The following TM2D3 variants were observed in gnomAD, a reference collection of about 807,000 sequenced individuals.
The protein encoded by TM2D3 is TM2 domain-containing protein 3.
TM2D3 carries 33 observed loss-of-function variants against 27.3 expected under a neutral mutation model. The ratio of observed to expected loss-of-function variants is 1.21; its 90% CI spans 0.92 to 1.61. TM2D3 has a LOEUF of 1.61. TM2D3 is among the 40% of genes most tolerant of loss of function. The pLI, the probability that TM2D3 is intolerant of heterozygous loss-of-function variation, is 0.00. For missense variants in TM2D3, 364 were observed against 320.8 expected (o/e 1.13, Z -1.03); for synonymous variants, 138 against 122.2 (o/e 1.13, Z -0.85).
chr15:101,652,108 C>T (rs1567314950), intron 1 of TM2D3, 163 bp downstream of exon 1: 1 of 632,272 alleles, frequency 1.6e-6, no homozygotes, highest in Non-Finnish European at 2.6e-6. Context: ...TCGGGCCGGG[C>T]GGCCAGGGCG....
At chr15:101,633,446 C>G (rs1489547886) in exon 5 of TM2D3, 1 of 431,886 alleles carries the variant, frequency 2.3e-6, no homozygotes. Flanking sequence ...CCTCATCACA[C>G]TGTTAGAAGA....
Position 101,650,139 on chromosome 15 carries a change from A to C in TM2D3, c.192T>G (p.Tyr64Ter). 6.2e-7 allele frequency: 1 copy of C among 1,613,676 alleles called. No individual in the cohort carries two copies. The highest frequency in any genetic ancestry group is 1.1e-5 in the South Asian group (1 of 91,000). Residue 64 changes from tyrosine to a stop codon, truncating the protein, a stop_gained, in exon 3 of 6, where the codon TAT becomes TAG. Transcript: ENST00000333202. LOFTEE classifies it high-confidence loss of function. ...AACCATTGCTCGGACACTTCATCAC[A>C]TAAGGTGGGATTTCAGTACTTTCTG... ...RAAESTEIPP[Y>*]VMKCPSNGLC...
chr15:101,650,582 T>A (rs1249780109), intron 2 of TM2D3: 1 of 153,580 alleles, frequency 6.5e-6, no homozygotes, highest in African/African-American at 2.4e-5. Flanking sequence ...CCATTTCCAA[T>A]CCCGTGTTCT....
rs758492236 is a variant in TM2D3, at chr15:101,649,041, T to TA, written c.327+962dup. ...CTCACAAACTCAGAGTTAATCAAATTAAAAAAAAATTGCCAATCTAAGGGT... is the reference window on the plus strand; with the variant it reads ...CTCACAAACTCAGAGTTAATCAAATTAAAAAAAAAATTGCCAATCTAAGGGT... On this transcript the variant is annotated intron_variant, in intron 3 of 5. Transcript: ENST00000333202. Among the ~76,000 whole-genome samples, 111 of 151,674 alleles carry TA rather than the reference T, an allele frequency of 7.3e-4. 1 individual carries two copies. The highest frequency in any genetic ancestry group is 1.3e-3 in the Non-Finnish European group (88 of 67,868).
Position 101,642,328 on chromosome 15 carries a change from C to T in TM2D3, c.*151G>A, listed in dbSNP as rs151097272. Reference sequence around the variant, plus strand: ...AAACAAATTCCAGATTAGCATAGTTCAGCGTTTCATTTATCTTACCTTTAT... The same window carrying T: ...AAACAAATTCCAGATTAGCATAGTTTAGCGTTTCATTTATCTTACCTTTAT... On this transcript the variant is annotated 3_prime_UTR_variant, in exon 6 of 6. Transcript: ENST00000333202. The T allele has an allele frequency of 1.5e-6, 2 of 1,329,260 alleles. No individual in the cohort carries two copies. The highest frequency in any genetic ancestry group is 3.0e-5 in the African/African-American group (2 of 67,104). The allele number at this position is 1,329,260 out of a possible 1,614,324, so 82.3% of individuals were successfully genotyped here. A position where few individuals can be genotyped will look rare whatever the true frequency, so the allele number is the denominator to read the frequency against.
rs376577849 is a variant in TM2D3, at chr15:101,652,280, A to G, written c.82T>C (p.Ser28Pro). Residue 28 changes from serine to proline, a missense_variant, in exon 1 of 6, where the codon TCG becomes CCG. Transcript: ENST00000333202. ...CCAGCCTTTGACTCACCACCGCCCGACAGAATGCAGAACTGCGAGAGGAAG... is the reference window on the plus strand; with the variant it reads ...CCAGCCTTTGACTCACCACCGCCCGGCAGAATGCAGAACTGCGAGAGGAAG... ...LLFLSQFCILSGGEQSQALAQ... is the reference protein window; with the variant it reads ...LLFLSQFCILPGGEQSQALAQ... The G allele has an allele frequency of 3.7e-6, 6 of 1,605,116 alleles. No individual in the cohort carries two copies. Among genetic ancestry groups the G allele is most frequent in the Non-Finnish European group, 5.1e-6 (6 of 1,176,240 alleles).
intron 3 of TM2D3, among the ~76,000 whole-genome samples, chr15:101,648,633 C>A (rs186158102): frequency 3.3e-5 from 5 of 152,170 alleles, no homozygotes; most frequent in African/African-American, 1.2e-4. Context: ...TACACATAGG[C>A]ACATTTATGT....
chr15:101,651,440 G>A (rs1896964595), intron 2 of TM2D3: 3 of 443,892 alleles, frequency 6.8e-6, no homozygotes, highest in African/African-American at 2.0e-5. Flanking sequence ...GGATGAAGTG[G>A]AAAAATAATA....
At chr15:101,635,452 C>T (rs373220390) in intron 4 of TM2D3, 3 of 152,334 alleles carry the variant, frequency 2.0e-5, no homozygotes, top group East Asian at 3.9e-4. Flanking sequence ...TTTCCACTTT[C>T]TCAGCATGAA....
intron 4 of TM2D3, chr15:101,645,383 A>T (rs186487369): frequency 3.2e-5 from 18 of 558,988 alleles, no homozygotes; most frequent in Middle Eastern, 4.8e-4. Flanking sequence ...TGAAATGCTC[A>T]CCCACATATC....
chr15:101,636,493 A>T (rs1362946631), intron 4 of TM2D3: 1 of 152,294 alleles, frequency 6.6e-6, no homozygotes, highest in African/African-American at 2.4e-5. Flanking sequence ...AGATGTCTTC[A>T]CAGCAGCAGC....
Position 101,649,102 on chromosome 15 carries a change from A to G in TM2D3, c.327+902T>C, listed in dbSNP as rs181343793. 1.2e-4 allele frequency among the ~76,000 whole-genome samples: 18 copies of G among 152,290 alleles called. No homozygotes were observed. The East Asian group carries it at 2.7e-3, about 23-fold the overall frequency. On this transcript the variant is annotated intron_variant, in intron 3 of 5. Transcript: ENST00000333202. ...TTAATTAAATACTATGAGAAAACTT[A>G]TATGTTTTTCATGTTATATATCTAT...
In TM2D3 at chr15:101,641,919, A is replaced by G. The variant is rs985543385; in HGVS notation, c.*560T>C. On this transcript the variant is annotated 3_prime_UTR_variant, in exon 6 of 6. Coordinates refer to ENST00000333202, the MANE Select transcript of TM2D3 (RefSeq NM_078474.3). ...ATATACTACTAAGAAAATTTAAACC[A>G]TAACTAGACATAAACATTCTGCAGT... 1.3e-5 allele frequency: 13 copies of G among 983,280 alleles called. No individual in the cohort carries two copies. The East Asian group carries it at 1.1e-3, about 86-fold the overall frequency. The allele number at this position is 983,280 out of a possible 1,614,324, so 60.9% of individuals were successfully genotyped here.
chr15:101,647,003 T>A (rs1280998478), intron 3 of TM2D3, 104 bp from the exon 4 acceptor site: 9 of 1,245,462 alleles, frequency 7.2e-6, no homozygotes, highest in Non-Finnish European at 1.0e-5. Context: ...TAAATGCTTG[T>A]ATTTAGGACC....
chr15:101,640,532 T>A (rs1340852122), downstream of TM2D3, among the ~76,000 whole-genome samples: 1 of 152,218 alleles, frequency 6.6e-6, no homozygotes, highest in Non-Finnish European at 1.5e-5. Flanking sequence ...AAGGTCAGAC[T>A]CCAACATGGC....
downstream of TM2D3, among the ~76,000 whole-genome samples, chr15:101,638,337 C>T (rs574640625): frequency 5.9e-5 from 9 of 152,066 alleles, no homozygotes; most frequent in African/African-American, 2.2e-4. Flanking sequence ...TCTTGTTGCC[C>T]AGGCTGGAGT....
chr15:101,636,991 A>G, downstream of TM2D3: 1 of 344,160 alleles, frequency 2.9e-6, no homozygotes, highest in South Asian at 2.1e-5. Context: ...GCACAGTATC[A>G]AGAGGTCCTA....
chr15:101,635,041 T>G (rs1896524329), intron 4 of TM2D3: 2 of 152,044 alleles, frequency 1.3e-5, no homozygotes, highest in Non-Finnish European at 2.9e-5. Context: ...AGACCTGTGG[T>G]CCCAGCTACC....
intron 4 of TM2D3, 74 bp from the exon 5 acceptor site, chr15:101,645,236 G>T: frequency 1.6e-6 from 2 of 1,273,768 alleles, no homozygotes; most frequent in East Asian, 2.5e-5. Flanking sequence ...TAACAAATGG[G>T]CTCAAAATTT....
Sources: gnomAD v4.1 joint callset for allele counts (sites outside exome capture counted in the v4.1 genomes callset) on GRCh38, gnomAD v4.1.1 for gene constraint, MANE v1.5 for transcripts, NCBI Gene and HGNC (gene_info 2026-07-23, HGNC 2026-07-21) for gene names.